DPP6: variants seen among roughly 807,000 people sequenced by gnomAD.
The protein encoded by DPP6 is A-type potassium channel modulatory protein DPP6.
In DPP6, 69 loss-of-function variants were observed where a neutral mutation model predicts 122.6. That is an observed-to-expected ratio of 0.56 (90% CI 0.46 to 0.69). The LOEUF (loss-of-function observed/expected upper bound fraction) is 0.69. Among genes scored for constraint, DPP6 ranks in the 30% least tolerant of loss-of-function variants. DPP6 has a pLI of 0.00. For synonymous variants in DPP6, 418 were observed against 433.1 expected, an observed-to-expected ratio of 0.97 and a Z score of 0.43; for missense variants, 928 against 1,116.9, an observed-to-expected ratio of 0.83 and a Z score of 2.41.
intron 1 of DPP6, among the ~76,000 whole-genome samples, chr7:154,260,611 T>C (rs952468211): frequency 1.3e-5 from 2 of 150,576 alleles, no homozygotes; most frequent in African/African-American, 2.4e-5. Flanking sequence ...CTCACCTAGG[T>C]TGCTACAAAT....
At chr7:154,496,455 T>C (rs1217796734) in intron 3 of DPP6, among the ~76,000 whole-genome samples, 2 of 152,218 alleles carry the variant, frequency 1.3e-5, no homozygotes, top group African/African-American at 2.4e-5. Flanking sequence ...CCAAGTGTCA[T>C]ATATTTATCC....
rs749429222 is a variant in DPP6 at position 154,540,513 on chromosome 7, T to C, written c.458-19T>C. ...TCCTTGATGTTTCATGTGGTTTTTT[T>C]CTACTTCCTCTCTTACAGATACAGA... On this transcript the variant is annotated intron_variant, in intron 3 of 25. Coordinates refer to ENST00000377770, the MANE Select transcript of DPP6 (RefSeq NM_130797.4). 6 of 1,516,124 alleles carry C rather than the reference T, an allele frequency of 4.0e-6. No homozygotes were observed. Among genetic ancestry groups the C allele is most frequent in the South Asian group, 1.2e-5 (1 of 86,946 alleles). 93.9% of individuals were successfully genotyped at this position (1,516,124 alleles called of 1,614,324 possible). A position where few individuals can be genotyped will look rare whatever the true frequency, so the allele number is the denominator to read the frequency against.
intron 11 of DPP6, among the ~76,000 whole-genome samples, chr7:154,795,150 C>G (rs3807267): frequency 0.44 from 67,024 of 151,856 alleles, 15,570 homozygotes; most frequent in African/African-American, 0.57. Context: ...CTTGTAATCT[C>G]CAACTTCTCC....
At chr7:154,644,921 G>A (rs1337848181) in intron 6 of DPP6, among the ~76,000 whole-genome samples, 1 of 152,048 alleles carries the variant, frequency 6.6e-6, no homozygotes, top group Non-Finnish European at 1.5e-5. Flanking sequence ...GTCTTGCTCA[G>A]GGTAGTCTCG....
intron 1 of DPP6, among the ~76,000 whole-genome samples, chr7:153,909,156 G>T (rs1039545156): frequency 5.9e-5 from 9 of 152,178 alleles, no homozygotes; most frequent in Non-Finnish European, 2.9e-5. Flanking sequence ...GTCCCCAAAA[G>T]ATTTACTTAC....
At chr7:154,226,767 A>T (rs890071420) in intron 1 of DPP6, among the ~76,000 whole-genome samples, 28 of 152,122 alleles carry the variant, frequency 1.8e-4, no homozygotes, top group African/African-American at 6.0e-4. Flanking sequence ...TTATTTGCTT[A>T]TTTTTGGTGG....
At chr7:154,180,173 C>A (rs763453927) in intron 1 of DPP6, among the ~76,000 whole-genome samples, 4 of 151,796 alleles carry the variant, frequency 2.6e-5, no homozygotes, top group Non-Finnish European at 4.4e-5. Flanking sequence ...CATGGTGAAA[C>A]CTCGTCTCTA....
At chr7:153,752,321 C>T in the DPP6 span, among the ~76,000 whole-genome samples, 13 of 148,496 alleles carry the variant, frequency 8.8e-5, no homozygotes, top group Admixed American at 6.1e-4. Context: ...ATGATCTTGG[C>T]TCACTGCATC....
intron 7 of DPP6, among the ~76,000 whole-genome samples, chr7:154,706,300 G>A (rs1024036785): frequency 6.6e-6 from 1 of 152,100 alleles, no homozygotes; most frequent in African/African-American, 2.4e-5. Flanking sequence ...CCTCTCCTGC[G>A]ATGCTCTCAT....
At chr7:153,826,147 C>G in the DPP6 span, among the ~76,000 whole-genome samples, 3 of 152,306 alleles carry the variant, frequency 2.0e-5, no homozygotes, top group South Asian at 6.2e-4. Context: ...GGAAACTGAA[C>G]TGCCAGGGCC....
At chr7:154,779,655 G>C (rs2150400318) in intron 10 of DPP6, among the ~76,000 whole-genome samples, 1 of 152,314 alleles carries the variant, frequency 6.6e-6, no homozygotes, top group Middle Eastern at 3.4e-3. Context: ...TGGAGGGTTT[G>C]CTGGCAAAAT....
intron 1 of DPP6, among the ~76,000 whole-genome samples, chr7:154,266,124 G>A (rs1427700120): frequency 1.3e-5 from 2 of 152,080 alleles, no homozygotes; most frequent in African/African-American, 2.4e-5. Flanking sequence ...TACTGTTGTC[G>A]TTTCCTTCTG....
Position 154,087,716 on chromosome 7 carries a change from T to C in DPP6, c.243+34653T>C, listed in dbSNP as rs532743994. Among the ~76,000 whole-genome samples the C allele has an allele frequency of 3.9e-5, 6 of 152,336 alleles. No individual in the cohort carries two copies. The East Asian group carries it at 1.2e-3, about 29-fold the overall frequency. ...TTGCTTTTCTAGCCAGACATGGTTC[T>C]CTGAGGATTTGTTAAATTTTATAGC... On this transcript the variant is annotated intron_variant, in intron 1 of 25. Transcript: ENST00000377770.
intron 5 of DPP6, among the ~76,000 whole-genome samples, chr7:154,610,734 T>C (rs1252330460): frequency 3.5e-5 from 4 of 115,808 alleles, no homozygotes; most frequent in African/African-American, 1.2e-4. Flanking sequence ...TGTGTGTGTG[T>C]GTGTGTGTGT....
chr7:154,334,911 GA>G (rs142299205), intron 1 of DPP6, among the ~76,000 whole-genome samples: 33 of 148,466 alleles, frequency 2.2e-4, no homozygotes, highest in African/African-American at 5.7e-4. Flanking sequence ...AAAAGGAACA[GA>G]AAAAAAAAAT....
At chr7:154,415,986 C>A (rs889117463) in intron 1 of DPP6, among the ~76,000 whole-genome samples, 2 of 151,870 alleles carry the variant, frequency 1.3e-5, no homozygotes, top group Non-Finnish European at 2.9e-5. Flanking sequence ...ATAGTAGTCC[C>A]CACTTATCCT....
chr7:153,813,725 G>C, the DPP6 span, among the ~76,000 whole-genome samples: 1 of 151,802 alleles, frequency 6.6e-6, no homozygotes, highest in African/African-American at 2.4e-5. Flanking sequence ...ATTCTAACTG[G>C]TGTGAGATGG....
intron 1 of DPP6, among the ~76,000 whole-genome samples, chr7:153,900,760 G>T (rs963565268): frequency 6.6e-6 from 1 of 152,094 alleles, no homozygotes; most frequent in Non-Finnish European, 1.5e-5. Context: ...AACTATAGCA[G>T]CACCCAAAAG....
At chr7:154,104,793 CTA>C (rs1299152184) in intron 1 of DPP6, among the ~76,000 whole-genome samples, 1 of 151,996 alleles carries the variant, frequency 6.6e-6, no homozygotes, top group Non-Finnish European at 1.5e-5. Flanking sequence ...TGGCACACCT[CTA>C]TGTGTGTGCT....
Sources: gnomAD v4.1 joint callset for allele counts (sites outside exome capture counted in the v4.1 genomes callset) on GRCh38, gnomAD v4.1.1 for gene constraint, MANE v1.5 for transcripts, NCBI Gene and HGNC (gene_info 2026-07-23, HGNC 2026-07-21) for gene names.